The following LRP1B variants were observed in gnomAD, a reference collection of about 807,000 sequenced individuals.
The protein encoded by LRP1B is low-density lipoprotein receptor-related protein 1B.
Under a neutral mutation model 556.6 loss-of-function variants are expected in LRP1B, and 217 were observed. The observed-to-expected ratio is 0.39, with a 90% CI of 0.35 to 0.44. The LOEUF (loss-of-function observed/expected upper bound fraction) is 0.44. Ranked by LOEUF, LRP1B falls within the 20% of genes least tolerant of loss-of-function variation. LRP1B has a pLI of 1.00. For missense variants in LRP1B, 5,053 were observed against 5,620.8 expected (o/e 0.90, Z 3.23); for synonymous variants, 2,047 against 1,865.8 (o/e 1.10, Z -2.50).
intron 60 of LRP1B, among the ~76,000 whole-genome samples, chr2:140,469,995 AAATCAGTAGGCTTCT>A (rs1423550408): frequency 6.6e-6 from 1 of 152,236 alleles, no homozygotes; most frequent in Non-Finnish European, 1.5e-5. Context: ...CAGTCCCTTG[AAATCAGTAGGCTTCT>A]AATAAAAGAC....
At chr2:140,764,911 T>G (rs1239640690) in intron 35 of LRP1B, among the ~76,000 whole-genome samples, 1 of 152,182 alleles carries the variant, frequency 6.6e-6, no homozygotes, top group Non-Finnish European at 1.5e-5. Context: ...CAGATTACTA[T>G]GTGATGGTGT....
chr2:141,326,957 G>A (rs1265029088), intron 3 of LRP1B, among the ~76,000 whole-genome samples: 1 of 152,116 alleles, frequency 6.6e-6, no homozygotes, highest in Non-Finnish European at 1.5e-5. Context: ...AGCAGGACCT[G>A]TTTTTAACCT....
At chr2:140,470,473 G>A (rs144901407) in intron 60 of LRP1B, among the ~76,000 whole-genome samples, 89 of 151,634 alleles carry the variant, frequency 5.9e-4, no homozygotes, top group African/African-American at 1.8e-3. Context: ...GTGAAACCCC[G>A]TCTCTCCTAA....
intron 31 of LRP1B, among the ~76,000 whole-genome samples, chr2:140,819,641 A>G (rs1190638157): frequency 6.6e-6 from 1 of 152,218 alleles, no homozygotes; most frequent in African/African-American, 2.4e-5. Context: ...AACACATAAA[A>G]AGATGTTCAA....
intron 1 of LRP1B, among the ~76,000 whole-genome samples, chr2:142,086,010 G>T (rs1411018232): frequency 6.6e-6 from 1 of 152,074 alleles, no homozygotes; most frequent in Non-Finnish European, 1.5e-5. Context: ...CTACTACAGG[G>T]TGATACTATT....
At chr2:141,041,763 A>G (rs1227949562) in intron 11 of LRP1B, among the ~76,000 whole-genome samples, 2 of 152,092 alleles carry the variant, frequency 1.3e-5, no homozygotes, top group Non-Finnish European at 2.9e-5. Context: ...GAAATGATAA[A>G]TGTTTGTGGT....
chr2:140,407,714 T>G (rs1684802336), intron 66 of LRP1B, among the ~76,000 whole-genome samples: 1 of 152,188 alleles, frequency 6.6e-6, no homozygotes, highest in African/African-American at 2.4e-5. Context: ...AAGAGAACAC[T>G]TTTGTACTGC....
At position 140,239,513 on chromosome 2, in the gene LRP1B, C is replaced by G. The variant is rs765683437; in HGVS notation, c.13344G>C (p.Val4448=). The change falls in exon 88 of 91, where the codon GTG becomes GTC. Residue 4448 remains valine (V), a synonymous_variant. Coordinates refer to ENST00000389484, the MANE Select transcript of LRP1B (RefSeq NM_018557.3). ...TCAAAGTCACCAAGAGGACGAGAGG[C>G]ACAATGATGGCAATGCTTCCTGGAA... ...HISTRSIAII[V]PLVLLVTLIT... 1 of 1,602,624 alleles carries G rather than the reference C, an allele frequency of 6.2e-7. No homozygotes were observed. The highest frequency in any genetic ancestry group is 8.5e-7 in the Non-Finnish European group (1 of 1,172,816).
intron 49 of LRP1B, among the ~76,000 whole-genome samples, chr2:140,521,777 T>C (rs1385778): frequency 0.77 from 116,592 of 151,994 alleles, 45,398 homozygotes; most frequent in Middle Eastern, 0.88. Context: ...CTTCAAGAGA[T>C]CTATCTGACA....
intron 3 of LRP1B, among the ~76,000 whole-genome samples, chr2:141,291,413 T>G (rs902331203): frequency 1.3e-5 from 2 of 152,194 alleles, no homozygotes. Context: ...TTTCATTGCT[T>G]TAAAATTTAG....
At chr2:141,863,368 C>A (rs528357464) in intron 1 of LRP1B, among the ~76,000 whole-genome samples, 208 of 152,204 alleles carry the variant, frequency 1.4e-3, no homozygotes, top group Non-Finnish European at 2.5e-3. Flanking sequence ...GACATCATTT[C>A]TGATTAAGTG....
At chr2:141,075,742 C>T (rs1450937860) in intron 7 of LRP1B, among the ~76,000 whole-genome samples, 1 of 152,120 alleles carries the variant, frequency 6.6e-6, no homozygotes, top group Non-Finnish European at 1.5e-5. Context: ...GGTAAGTATC[C>T]ACGAAGTTGT....
At chr2:141,142,524 G>A (rs1574119052) in intron 7 of LRP1B, among the ~76,000 whole-genome samples, 1 of 152,102 alleles carries the variant, frequency 6.6e-6, no homozygotes, top group Non-Finnish European at 1.5e-5. Context: ...ATCTGCCTAT[G>A]ATGTTGTTAA....
At chr2:141,892,068 TAAGA>T (rs995651030) in intron 1 of LRP1B, among the ~76,000 whole-genome samples, 2 of 152,034 alleles carry the variant, frequency 1.3e-5, no homozygotes, top group African/African-American at 4.8e-5. Flanking sequence ...CATAACTATC[TAAGA>T]AAGATCATCA....
chr2:141,429,356 G>T (rs953830443), intron 3 of LRP1B, among the ~76,000 whole-genome samples: 1 of 152,050 alleles, frequency 6.6e-6, no homozygotes. Flanking sequence ...ATTTTTTAAT[G>T]TGTAACTAAA....
intron 34 of LRP1B, among the ~76,000 whole-genome samples, chr2:140,770,417 G>T (rs181854685): frequency 4.4e-4 from 67 of 152,028 alleles, no homozygotes; most frequent in African/African-American, 1.6e-3. Flanking sequence ...TGCAAAACAG[G>T]AAGATTTCTT....
intron 83 of LRP1B, among the ~76,000 whole-genome samples, chr2:140,303,644 ATAT>A (rs531529274): frequency 2.2e-4 from 33 of 152,222 alleles, no homozygotes; most frequent in East Asian, 9.6e-4. Flanking sequence ...TCTATAAAAA[ATAT>A]TATTTTTTAA....
intron 6 of LRP1B, among the ~76,000 whole-genome samples, chr2:141,193,240 C>T (rs1681599057): frequency 6.6e-6 from 1 of 151,804 alleles, no homozygotes; most frequent in Non-Finnish European, 1.5e-5. Context: ...GTGTATATAC[C>T]CAGAGGAATA....
In LRP1B at chr2:140,753,228, C is replaced by G. The variant is rs546386369; in HGVS notation, c.5758+15985G>C. On this transcript the variant is annotated intron_variant, in intron 35 of 90. Coordinates refer to ENST00000389484, the MANE Select transcript of LRP1B (RefSeq NM_018557.3). The stretch of plus-strand genomic sequence containing the variant: ...AACAAAATACTTAACAATTGATGTT[C>G]AGCTGAATTTGCTATAATTTCATTA... Among the ~76,000 whole-genome samples, 3 of 152,200 alleles carry G rather than the reference C, an allele frequency of 2.0e-5. No individual in the cohort carries two copies. In the South Asian group the frequency reaches 6.2e-4, roughly 32 times the overall value.
Sources: gnomAD v4.1 joint callset for allele counts (sites outside exome capture counted in the v4.1 genomes callset) on GRCh38, gnomAD v4.1.1 for gene constraint, MANE v1.5 for transcripts, NCBI Gene and HGNC (gene_info 2026-07-23, HGNC 2026-07-21) for gene names.